The following CREB5 variants were observed in gnomAD, a reference collection of about 807,000 sequenced individuals.
CREB5 encodes cAMP responsive element binding protein 5.
Under a neutral mutation model 57.1 loss-of-function variants are expected in CREB5, and 19 were observed. The observed-to-expected ratio is 0.33, with a 90% CI of 0.23 to 0.49. The LOEUF is 0.49. Ranked by LOEUF, CREB5 falls within the 20% of genes least tolerant of loss-of-function variation. CREB5 has a pLI of 0.99. For synonymous variants in CREB5, 238 were observed against 238.3 expected (o/e 1.00, Z 0.01); for missense variants, 579 against 671.6 (o/e 0.86, Z 1.52).
intron 4 of CREB5, among the ~76,000 whole-genome samples, chr7:28,524,427 C>A (rs957387532): frequency 5.3e-5 from 8 of 151,666 alleles, no homozygotes; most frequent in Non-Finnish European, 1.2e-4. Context: ...ATTGCTTGAA[C>A]CTGGAAGTGA....
chr7:28,684,642 C>T (rs1262258311), intron 5 of CREB5, among the ~76,000 whole-genome samples: 2 of 152,132 alleles, frequency 1.3e-5, no homozygotes, highest in Non-Finnish European at 2.9e-5. Context: ...TGCTTTGCAA[C>T]GTGCAGAGAC....
intron 1 of CREB5, among the ~76,000 whole-genome samples, chr7:28,376,136 G>A (rs1009087394): frequency 2.0e-5 from 3 of 152,148 alleles, no homozygotes; most frequent in African/African-American, 7.2e-5. Context: ...ACTGTATGCT[G>A]GTGCCAATCA....
At chr7:28,356,455 A>G (rs1786345542) in intron 1 of CREB5, among the ~76,000 whole-genome samples, 1 of 152,226 alleles carries the variant, frequency 6.6e-6, no homozygotes, top group African/African-American at 2.4e-5. Flanking sequence ...GCACTTAACT[A>G]GAGGTGAAGT....
chr7:28,656,268 A>G lies in CREB5; in HGVS notation c.465-62485A>G, dbSNP rs557634708. Among the ~76,000 whole-genome samples the G allele has an allele frequency of 2.6e-5, 4 of 152,346 alleles. No individual in the cohort carries two copies. The South Asian group carries it at 8.3e-4, about 32-fold the overall frequency. Reference sequence around the variant, plus strand: ...TTTCAACTAAAAATAAAAACAACAAAGAAATTATGAAGATGAAGACGAGAG... The same window carrying G: ...TTTCAACTAAAAATAAAAACAACAAGGAAATTATGAAGATGAAGACGAGAG... On this transcript the variant is annotated intron_variant, in intron 5 of 10. Coordinates refer to ENST00000357727, the MANE Select transcript of CREB5 (RefSeq NM_182898.4).
In CREB5 at chr7:28,599,767, ATTAG is replaced by A. The variant is rs1156670649; in HGVS notation, c.464+29235_464+29238del. Among the ~76,000 whole-genome samples the A allele has an allele frequency of 1.4e-4, 15 of 104,080 alleles. 1 individual carries two copies. The highest frequency in any genetic ancestry group is 4.7e-4 in the African/African-American group (10 of 21,118). 68.3% of individuals were successfully genotyped at this position (104,080 alleles called of 152,430 possible). A position where few individuals can be genotyped will look rare whatever the true frequency, so the allele number is the denominator to read the frequency against. On this transcript the variant is annotated intron_variant, in intron 5 of 10. Transcript: ENST00000357727. Reference sequence around the variant, plus strand: ...TTGTTTTGTTTTGTTTTTTTATTGTATTAGTTAGAACCGCATCCTCTCATCATCA... The same window carrying A: ...TTGTTTTGTTTTGTTTTTTTATTGTATTAGAACCGCATCCTCTCATCATCA...
chr7:28,818,674 A>C, intron 10 of CREB5: 1 of 444,748 alleles, frequency 2.2e-6, no homozygotes, highest in African/African-American at 2.0e-5. Context: ...CTGGAATGCC[A>C]GTTGGTTAAA....
intron 5 of CREB5, among the ~76,000 whole-genome samples, chr7:28,635,601 AAC>A (rs1309455281): frequency 6.6e-6 from 1 of 152,212 alleles, no homozygotes; most frequent in East Asian, 1.9e-4. Context: ...TGAATCCATA[AAC>A]TCACCAATTC....
chr7:28,325,195 G>A (rs1410990892), intron 1 of CREB5, among the ~76,000 whole-genome samples: 4 of 152,180 alleles, frequency 2.6e-5, no homozygotes, highest in African/African-American at 4.8e-5. Flanking sequence ...AGTGGCTCAC[G>A]CCTATAATCC....
chr7:28,500,643 A>G (rs930114376), intron 3 of CREB5, among the ~76,000 whole-genome samples: 1 of 152,194 alleles, frequency 6.6e-6, no homozygotes, highest in Non-Finnish European at 1.5e-5. Flanking sequence ...TTTGTCCTCA[A>G]GAGGCTAATC....
intron 4 of CREB5, among the ~76,000 whole-genome samples, chr7:28,565,818 G>A (rs962336558): frequency 7.2e-5 from 11 of 152,088 alleles, no homozygotes; most frequent in Admixed American, 1.3e-4. Context: ...CTACTCAGGG[G>A]GCTGAGGCAG....
intron 1 of CREB5, among the ~76,000 whole-genome samples, chr7:28,361,445 A>G (rs1786479859): frequency 6.6e-6 from 1 of 152,196 alleles, no homozygotes; most frequent in South Asian, 2.1e-4. Flanking sequence ...TGCCTCTCTA[A>G]GGAAGCAAAA....
At chr7:28,433,354 A>T (rs558519300) in intron 1 of CREB5, among the ~76,000 whole-genome samples, 107 of 152,282 alleles carry the variant, frequency 7.0e-4, no homozygotes, top group Admixed American at 2.1e-3. Context: ...TTAGGTCAAA[A>T]ATTGTTTTAA....
At chr7:28,624,215 G>T (rs1562533613) in intron 5 of CREB5, among the ~76,000 whole-genome samples, 1 of 152,176 alleles carries the variant, frequency 6.6e-6, no homozygotes, top group African/African-American at 2.4e-5. Context: ...CGTCTAATTT[G>T]CGTGAATTCT....
chr7:28,816,093 ATC>A (rs923968877), intron 9 of CREB5, among the ~76,000 whole-genome samples: 32 of 151,820 alleles, frequency 2.1e-4, no homozygotes, highest in African/African-American at 7.5e-4. Context: ...ACATAAACAC[ATC>A]TCTGTTTCCT....
At chr7:28,689,470 T>TAAC (rs2128729209) in intron 5 of CREB5, among the ~76,000 whole-genome samples, 1 of 151,970 alleles carries the variant, frequency 6.6e-6, no homozygotes, top group East Asian at 1.9e-4. Context: ...TCTGTCTTAA[T>TAAC]AATAATAATA....
At chr7:28,476,790 C>T (rs1791085761) in intron 1 of CREB5, among the ~76,000 whole-genome samples, 1 of 152,188 alleles carries the variant, frequency 6.6e-6, no homozygotes, top group African/African-American at 2.4e-5. Context: ...AACTGGCATC[C>T]TATTATGAGA....
At chr7:28,559,034 C>A (rs193126384) in intron 4 of CREB5, among the ~76,000 whole-genome samples, 19 of 152,288 alleles carry the variant, frequency 1.2e-4, no homozygotes, top group Non-Finnish European at 2.1e-4. Flanking sequence ...AATACCCTTT[C>A]GTCTCCCACA....
chr7:28,606,717 TAA>T (rs1187531468), intron 5 of CREB5, among the ~76,000 whole-genome samples: 2 of 152,216 alleles, frequency 1.3e-5, no homozygotes, highest in African/African-American at 4.8e-5. Flanking sequence ...GAAACAGATA[TAA>T]GTTTATCTGG....
intron 1 of CREB5, among the ~76,000 whole-genome samples, chr7:28,302,676 C>T (rs1011013861): frequency 4.6e-5 from 7 of 152,152 alleles, no homozygotes; most frequent in Non-Finnish European, 8.8e-5. Flanking sequence ...ACGTCCTGCT[C>T]AGGAGCTTGT....
Sources: allele counts gnomAD v4.1 joint callset (sites outside exome capture counted in the v4.1 genomes callset), GRCh38; gene constraint gnomAD v4.1.1; transcripts MANE v1.5; gene names NCBI Gene and HGNC (gene_info 2026-07-23, HGNC 2026-07-21).